SLF1: variants seen among roughly 807,000 people sequenced by gnomAD.
The protein encoded by SLF1 is SMC5-SMC6 complex localization factor protein 1.
Under a neutral mutation model 123.0 loss-of-function variants are expected in SLF1, and 105 were observed. The observed-to-expected ratio is 0.85, with a 90% CI of 0.73 to 1.00. The LOEUF (loss-of-function observed/expected upper bound fraction) is 1.00. Among genes scored for constraint, SLF1 ranks in the 50% least tolerant of loss-of-function variants. The probability of loss-of-function intolerance (pLI) is 0.00; values close to 1 mark genes in which losing one functional copy is unlikely to be tolerated. For missense variants in SLF1, 1,239 were observed against 1,223.0 expected, an observed-to-expected ratio of 1.01 and a Z score of -0.20; for synonymous variants, 434 against 406.6, an observed-to-expected ratio of 1.07 and a Z score of -0.81.
In SLF1 at chr5:94,653,363, G is replaced by T. The variant is rs1404297402; in HGVS notation, c.974G>T (p.Gly325Val). ...KKGKESNCKK[G>V]VEHEKIKSTL... The stretch of plus-strand genomic sequence containing the variant: ...GGAAAAGAAAGCAATTGCAAGAAAG[G>T]CGTTGAACATGAAAAAATAAAAAGT... The change falls in exon 8 of 21, where the codon GGC becomes GTC. Residue 325 changes from glycine (G) to valine (V), a missense_variant. Gly to Val is a moderately radical substitution (Grantham distance 109). Coordinates refer to ENST00000265140, the MANE Select transcript of SLF1 (RefSeq NM_032290.4). 6.5e-7 allele frequency: 1 copy of T among 1,528,168 alleles called. No individual in the cohort carries two copies. Among genetic ancestry groups the T allele is most frequent in the Admixed American group, 2.3e-5 (1 of 43,536 alleles). 94.7% of individuals were successfully genotyped at this position (1,528,168 alleles called of 1,614,324 possible).
chr5:94,625,406 C>CA (rs1192880366), intron 1 of SLF1, among the ~76,000 whole-genome samples: 5 of 151,556 alleles, frequency 3.3e-5, no homozygotes, highest in African/African-American at 1.2e-4. Context: ...TTTTTTGAGA[C>CA]AGAGTCTCGC....
intron 9 of SLF1, among the ~76,000 whole-genome samples, chr5:94,660,059 C>T (rs945702578): frequency 6.6e-5 from 10 of 152,212 alleles, no homozygotes; most frequent in African/African-American, 2.2e-4. Context: ...CATAGGTGCT[C>T]CTGGTAGCTG....
intron 6 of SLF1, among the ~76,000 whole-genome samples, chr5:94,650,787 T>G (rs1408653076): frequency 6.6e-6 from 1 of 152,218 alleles, no homozygotes; most frequent in Admixed American, 6.5e-5. Context: ...TATGTGCATG[T>G]TTTAATGAGA....
chr5:94,652,181 T>C (rs763901579), intron 7 of SLF1, among the ~76,000 whole-genome samples: 4 of 151,956 alleles, frequency 2.6e-5, no homozygotes, highest in Non-Finnish European at 4.4e-5. Flanking sequence ...CTAATTTTTG[T>C]AATTTTTTCA....
At chr5:94,667,418 A>G (rs1179149269) in intron 12 of SLF1, among the ~76,000 whole-genome samples, 1 of 152,190 alleles carries the variant, frequency 6.6e-6, no homozygotes, top group Non-Finnish European at 1.5e-5. Context: ...GTTTCTTCTT[A>G]TATAAACTAT....
intron 14 of SLF1, among the ~76,000 whole-genome samples, chr5:94,675,641 A>G (rs982606053): frequency 7.9e-5 from 12 of 152,168 alleles, no homozygotes; most frequent in Non-Finnish European, 1.6e-4. Context: ...GTGTCTTTTC[A>G]TATAAAAACT....
intron 12 of SLF1, 125 bp downstream of exon 12, chr5:94,666,149 T>C: frequency 1.1e-6 from 1 of 886,812 alleles, no homozygotes; most frequent in Non-Finnish European, 1.6e-6. Flanking sequence ...CAAATACAAA[T>C]ATGTATTGTA....
intron 12 of SLF1, among the ~76,000 whole-genome samples, chr5:94,669,034 T>G (rs1750135991): frequency 6.6e-6 from 1 of 152,322 alleles, no homozygotes; most frequent in Admixed American, 6.5e-5. Flanking sequence ...TGATAGATTT[T>G]GGGCAGCTTA....
intron 5 of SLF1, among the ~76,000 whole-genome samples, chr5:94,649,110 A>T (rs1287597108): frequency 2.0e-5 from 3 of 152,196 alleles, no homozygotes; most frequent in Admixed American, 6.5e-5. Flanking sequence ...GTCTGTCTAT[A>T]ATTGATGATT....
intron 8 of SLF1, among the ~76,000 whole-genome samples, chr5:94,654,312 C>G (rs967811710): frequency 6.8e-6 from 1 of 148,092 alleles, no homozygotes; most frequent in Non-Finnish European, 1.5e-5. Flanking sequence ...AAAGCAGTTC[C>G]AGGAACAATT....
chr5:94,642,499 T>C (rs1462690658), intron 4 of SLF1, among the ~76,000 whole-genome samples: 1 of 152,232 alleles, frequency 6.6e-6, no homozygotes, highest in Non-Finnish European at 1.5e-5. Context: ...AGTTTGGTTG[T>C]CCAGTCTCTT....
At chr5:94,625,202 A>T (rs75779449) in intron 1 of SLF1, among the ~76,000 whole-genome samples, 7 of 150,380 alleles carry the variant, frequency 4.7e-5, no homozygotes, top group Admixed American at 2.0e-4. Context: ...CAAAAAAAAA[A>T]AAAAAAATAT....
chr5:94,643,183 TCGTACTCC>T, intron 4 of SLF1, 82 bp from the exon 5 acceptor site: 1 of 1,051,852 alleles, frequency 9.5e-7, no homozygotes, highest in Non-Finnish European at 1.3e-6. Flanking sequence ...AAAAGTCCAT[TCGTACTCC>T]TAAGAAATAA....
intron 12 of SLF1, among the ~76,000 whole-genome samples, chr5:94,669,115 G>A (rs1043891659): frequency 1.3e-5 from 2 of 152,126 alleles, no homozygotes; most frequent in African/African-American, 2.4e-5. Context: ...GGTGCTTAGG[G>A]AAGTGGTAGG....
chr5:94,654,039 A>T (rs1034081961), intron 8 of SLF1, among the ~76,000 whole-genome samples: 6 of 152,058 alleles, frequency 3.9e-5, no homozygotes, highest in Non-Finnish European at 8.8e-5. Flanking sequence ...GCATGGTAGT[A>T]GGTGCCTGTG....
intron 4 of SLF1, among the ~76,000 whole-genome samples, chr5:94,637,274 A>G (rs1745926305): frequency 6.6e-6 from 1 of 152,094 alleles, no homozygotes; most frequent in African/African-American, 2.4e-5. Flanking sequence ...TGGGCTGGTA[A>G]TGACTCCAAG....
At chr5:94,645,792 T>C (rs1434914639) in intron 5 of SLF1, among the ~76,000 whole-genome samples, 1 of 152,126 alleles carries the variant, frequency 6.6e-6, no homozygotes. Flanking sequence ...TCATAACCAA[T>C]CCAAATAAGG....
At chr5:94,691,529 C>A in intron 18 of SLF1, 35 bp from the exon 19 acceptor site, 1 of 1,546,416 alleles carries the variant, frequency 6.5e-7, no homozygotes, top group Non-Finnish European at 8.9e-7. Flanking sequence ...GATATCTTGT[C>A]TTCTCTGGAA....
intron 12 of SLF1, among the ~76,000 whole-genome samples, chr5:94,667,605 A>G (rs1749940360): frequency 1.3e-5 from 2 of 152,214 alleles, no homozygotes; most frequent in African/African-American, 4.8e-5. Flanking sequence ...TCTTAGCGAA[A>G]TACGTAAGAC....
Sources: gnomAD v4.1 joint callset for allele counts (sites outside exome capture counted in the v4.1 genomes callset) on GRCh38, gnomAD v4.1.1 for gene constraint, MANE v1.5 for transcripts, NCBI Gene and HGNC (gene_info 2026-07-23, HGNC 2026-07-21) for gene names.